Variants in BOLL observed in about 807,000 individuals in gnomAD.
BOLL encodes the protein protein boule-like.
In BOLL, 23 loss-of-function variants were observed where a neutral mutation model predicts 44.4. That is an observed-to-expected ratio of 0.52 (90% CI 0.37 to 0.73). BOLL has a LOEUF of 0.73. Ranked by LOEUF, BOLL falls within the 30% of genes least tolerant of loss-of-function variation. BOLL has a pLI of 0.00. For missense variants in BOLL, 287 were observed against 338.3 expected (o/e 0.85, Z 1.19); for synonymous variants, 97 against 110.8 (o/e 0.88, Z 0.78).
Position 197,729,665 on chromosome 2 carries a change from A to G in BOLL, c.829-1087T>C, listed in dbSNP as rs549091865. Among the ~76,000 whole-genome samples, 223 of 151,984 alleles carry G rather than the reference A, an allele frequency of 1.5e-3. 1 individual carries two copies. Among genetic ancestry groups the G allele is most frequent in the South Asian group, 3.7e-3 (18 of 4,810 alleles). ...AGTGGGTCCCTGACCCCTGACCCCC[A>G]AGCAGCCTAACTGGGAGGCACCCCC... On this transcript the variant is annotated intron_variant, in intron 10 of 10. Coordinates refer to ENST00000392296, the MANE Select transcript of BOLL (RefSeq NM_033030.6).
chr2:197,781,866 C>A lies in BOLL; in HGVS notation c.-15-1G>T. 6.3e-7 allele frequency: 1 copy of A among 1,581,264 alleles called. No individual in the cohort carries two copies. Among genetic ancestry groups the A allele is most frequent in the Non-Finnish European group, 8.6e-7 (1 of 1,157,910 alleles). On this transcript the variant is annotated splice_acceptor_variant, in intron 1 of 10. Coordinates refer to ENST00000392296, the MANE Select transcript of BOLL (RefSeq NM_033030.6). LOFTEE classifies it low-confidence loss of function (5UTR_SPLICE). ...CTGTTTGCATCTGGTTTGATGTTTG[C>A]TGTAAAATAAAATTCTTTTACACTT...
At position 197,729,208 on chromosome 2, in the gene BOLL, G is replaced by C. The variant is rs190700719; in HGVS notation, c.829-630C>G. 2.7e-3 allele frequency among the ~76,000 whole-genome samples: 408 copies of C among 152,330 alleles called. 1 individual carries two copies. The highest frequency in any genetic ancestry group is 9.2e-3 in the African/African-American group (384 of 41,578). Reference sequence around the variant, plus strand: ...GTTCCCTTTCTGAGTCAAAGAAAGGGGTGATGGACGGCACCTGGAAAATCG... The same window carrying C: ...GTTCCCTTTCTGAGTCAAAGAAAGGCGTGATGGACGGCACCTGGAAAATCG... On this transcript the variant is annotated intron_variant, in intron 10 of 10. Coordinates refer to ENST00000392296, the MANE Select transcript of BOLL (RefSeq NM_033030.6).
At chr2:197,739,068 G>C (rs1055520705) in intron 10 of BOLL, among the ~76,000 whole-genome samples, 1 of 152,046 alleles carries the variant, frequency 6.6e-6, no homozygotes, top group Non-Finnish European at 1.5e-5. Context: ...GTCTCTGAGT[G>C]GGGTATCGTT....
chr2:197,763,161 C>G (rs1330198900), intron 7 of BOLL, among the ~76,000 whole-genome samples: 1 of 152,216 alleles, frequency 6.6e-6, no homozygotes, highest in East Asian at 1.9e-4. Flanking sequence ...TCTGCCAAGA[C>G]TAAACCAAGA....
chr2:197,766,959 C>T (rs1305557054), intron 6 of BOLL, among the ~76,000 whole-genome samples: 1 of 151,838 alleles, frequency 6.6e-6, no homozygotes, highest in Non-Finnish European at 1.5e-5. Flanking sequence ...ATTGTGGGGA[C>T]CAGCAGGAAA....
intron 7 of BOLL, among the ~76,000 whole-genome samples, chr2:197,761,502 C>A (rs1256223055): frequency 2.0e-5 from 3 of 152,186 alleles, no homozygotes; most frequent in East Asian, 3.9e-4. Context: ...TTACAGAGAA[C>A]CCAGCTGCAA....
intron 9 of BOLL, among the ~76,000 whole-genome samples, chr2:197,749,064 G>A (rs984809487): frequency 2.0e-5 from 3 of 152,218 alleles, no homozygotes; most frequent in African/African-American, 4.8e-5. Context: ...TTGCTGTTCC[G>A]CAGCTTCCGC....
At chr2:197,745,072 G>T (rs1049129750) in intron 9 of BOLL, among the ~76,000 whole-genome samples, 3 of 152,176 alleles carry the variant, frequency 2.0e-5, no homozygotes, top group Admixed American at 1.3e-4. Flanking sequence ...GGGGTTGGAG[G>T]CTGAGTTGGT....
Position 197,765,713 on chromosome 2 carries a change from CTTTTA to C in BOLL, c.552+814_552+818del, listed in dbSNP as rs374722761. On this transcript the variant is annotated intron_variant, in intron 7 of 10. Coordinates refer to ENST00000392296, the MANE Select transcript of BOLL (RefSeq NM_033030.6). ...TATTTTATTTTACTTATTTTTAAAA[CTTTTA>C]TTTTAGGTTCAGGGGTACATGTGAA... 1.9e-4 allele frequency among the ~76,000 whole-genome samples: 29 copies of C among 150,798 alleles called. 1 individual carries two copies. The highest frequency in any genetic ancestry group is 6.6e-4 in the African/African-American group (27 of 41,126).
chr2:197,733,840 A>T (rs1251763125), intron 10 of BOLL, among the ~76,000 whole-genome samples: 4 of 152,184 alleles, frequency 2.6e-5, no homozygotes, highest in African/African-American at 9.7e-5. Context: ...TACATGTTAG[A>T]CGTAAAACCA....
chr2:197,772,892 A>T (rs1574859890), intron 5 of BOLL, among the ~76,000 whole-genome samples: 1 of 151,916 alleles, frequency 6.6e-6, no homozygotes. Flanking sequence ...TAAAATGCAA[A>T]TTCCAGGGAC....
intron 10 of BOLL, among the ~76,000 whole-genome samples, chr2:197,731,649 G>C (rs1240629736): frequency 6.7e-6 from 1 of 149,948 alleles, no homozygotes; most frequent in Non-Finnish European, 1.5e-5. Context: ...TAGAACTCAG[G>C]ATTAAGAATC....
intron 10 of BOLL, among the ~76,000 whole-genome samples, chr2:197,732,264 A>G (rs1273716736): frequency 9.2e-5 from 14 of 151,352 alleles, no homozygotes; most frequent in African/African-American, 3.4e-4. Context: ...AACCAGGAAG[A>G]AGTTGAATCT....
At chr2:197,763,471 G>A (rs1315635558) in intron 7 of BOLL, among the ~76,000 whole-genome samples, 5 of 118,152 alleles carry the variant, frequency 4.2e-5, no homozygotes, top group South Asian at 2.9e-4. Context: ...GCGACAGAGA[G>A]TCCGTCTTAA....
At chr2:197,778,908 T>A (rs1236903395) in intron 3 of BOLL, 67 bp downstream of exon 3, 1 of 1,390,370 alleles carries the variant, frequency 7.2e-7, no homozygotes, top group Non-Finnish European at 1.0e-6. Context: ...TAAACTGGCG[T>A]ACAAAACCTA....
At chr2:197,769,648 C>A (rs1001760771) in intron 6 of BOLL, among the ~76,000 whole-genome samples, 9 of 152,252 alleles carry the variant, frequency 5.9e-5, no homozygotes, top group Admixed American at 3.9e-4. Context: ...GCAACTTCAG[C>A]AAAGTCTCAG....
chr2:197,779,224 C>A (rs1458729256), intron 2 of BOLL, among the ~76,000 whole-genome samples, 158 bp from the exon 3 acceptor site: 1 of 151,988 alleles, frequency 6.6e-6, no homozygotes, highest in African/African-American at 2.4e-5. Flanking sequence ...TGATTAAAAT[C>A]AAGGTAAATA....
intron 10 of BOLL, among the ~76,000 whole-genome samples, chr2:197,735,652 T>G (rs1343447516): frequency 6.6e-6 from 1 of 152,140 alleles, no homozygotes; most frequent in Non-Finnish European, 1.5e-5. Context: ...CTCTATTATT[T>G]CTATAACTTC....
At chr2:197,759,058 C>T in intron 7 of BOLL, 6 of 1,421,828 alleles carry the variant, frequency 4.2e-6, no homozygotes, top group Non-Finnish European at 5.7e-6. Context: ...ACCAGAGATG[C>T]CTAGCATTCA....
Sources: allele counts gnomAD v4.1 joint callset (sites outside exome capture counted in the v4.1 genomes callset), GRCh38; gene constraint gnomAD v4.1.1; transcripts MANE v1.5; gene names NCBI Gene and HGNC (gene_info 2026-07-23, HGNC 2026-07-21).